Variants in RSU1 observed in about 807,000 individuals in gnomAD.
The protein encoded by RSU1 is rsu-1.
A neutral mutation model predicts 31.1 loss-of-function variants in RSU1; 26 were observed. The observed-to-expected ratio is 0.84, with a 90% CI of 0.61 to 1.16. RSU1 has a LOEUF of 1.16. Ranked by LOEUF, RSU1 falls within the 50% of genes most tolerant of loss-of-function variation. The pLI, the probability that RSU1 is intolerant of heterozygous loss-of-function variation, is 0.00. For synonymous variants in RSU1, 164 were observed against 136.3 expected (o/e 1.20, Z -1.41); for missense variants, 320 against 339.1 (o/e 0.94, Z 0.44).
intron 2 of RSU1, among the ~76,000 whole-genome samples, chr10:16,784,900 A>G (rs1254852697): frequency 2.6e-5 from 4 of 152,216 alleles, no homozygotes; most frequent in Non-Finnish European, 5.9e-5. Flanking sequence ...AAACCATATC[A>G]CATGGCCAGG....
At chr10:16,630,437 T>A (rs868399402) in intron 8 of RSU1, among the ~76,000 whole-genome samples, 8 of 152,340 alleles carry the variant, frequency 5.3e-5, no homozygotes, top group South Asian at 4.1e-4. Context: ...TGATCAAGGG[T>A]CTGTCGGCCT....
chr10:16,786,449 C>G (rs570269837), intron 2 of RSU1, among the ~76,000 whole-genome samples: 5 of 152,164 alleles, frequency 3.3e-5, no homozygotes, highest in African/African-American at 1.2e-4. Flanking sequence ...CTGCCACAGT[C>G]CTGGAATCAG....
chr10:16,727,995 T>G (rs935807701), intron 7 of RSU1, among the ~76,000 whole-genome samples: 3 of 152,178 alleles, frequency 2.0e-5, no homozygotes, highest in Non-Finnish European at 2.9e-5. Flanking sequence ...ATCTGGCATC[T>G]CGGAGAGAGA....
Position 16,633,783 on chromosome 10 carries a change from A to G in RSU1, c.732-40287T>C, listed in dbSNP as rs1362585674. ...ACTTTTCAATGCTCACACTCCTCAG[A>G]GTCCCTTCCAAAAAGGCAGTGACAA... On this transcript the variant is annotated intron_variant, in intron 8 of 8. Transcript: ENST00000345264. 2.0e-5 allele frequency among the ~76,000 whole-genome samples: 3 copies of G among 152,136 alleles called. No homozygotes were observed. In the East Asian group the frequency reaches 5.8e-4, roughly 29 times the overall value.
intron 7 of RSU1, among the ~76,000 whole-genome samples, chr10:16,750,069 T>TA (rs1836943815): frequency 6.6e-6 from 1 of 152,198 alleles, no homozygotes; most frequent in African/African-American, 2.4e-5. Context: ...TTATAATTCT[T>TA]ACGATAATTA....
At chr10:16,721,615 T>C (rs1186450386) in intron 7 of RSU1, 1 of 152,220 alleles carries the variant, frequency 6.6e-6, no homozygotes, top group African/African-American at 2.4e-5. Context: ...CTTCACAAAT[T>C]AGACTAGATC....
chr10:16,796,068 G>A (rs1348174288), intron 2 of RSU1, among the ~76,000 whole-genome samples: 1 of 152,180 alleles, frequency 6.6e-6, no homozygotes, highest in Non-Finnish European at 1.5e-5. Context: ...AAAGCCACAT[G>A]ACTCTTGGAG....
intron 7 of RSU1, among the ~76,000 whole-genome samples, chr10:16,711,679 A>T (rs1473615356): frequency 6.6e-6 from 1 of 152,136 alleles, no homozygotes; most frequent in Non-Finnish European, 1.5e-5. Flanking sequence ...TTTAATTTCC[A>T]CGTATTTCAA....
chr10:16,600,435 G>A (rs532346423), intron 8 of RSU1, among the ~76,000 whole-genome samples: 19 of 152,216 alleles, frequency 1.2e-4, no homozygotes, highest in East Asian at 3.9e-4. Context: ...GACCACTACC[G>A]CCTGGACAGC....
chr10:16,682,574 G>GCACACACACACACACACACA lies in RSU1; in HGVS notation c.731+12448_731+12449insTGTGTGTGTGTGTGTGTGTG, dbSNP rs71200966. 1.1e-3 allele frequency among the ~76,000 whole-genome samples: 154 copies of GCACACACACACACACACACA among 138,276 alleles called. 8 individuals carry two copies. The highest frequency in any genetic ancestry group is 3.9e-3 in the African/African-American group (141 of 35,970). 90.7% of individuals were successfully genotyped at this position (138,276 alleles called of 152,430 possible). ...CACACACACACACACACACACACAT[G>GCACACACACACACACACACA]CATGCATGTTACCTAGGGTGGACAT... On this transcript the variant is annotated intron_variant, in intron 8 of 8. Transcript: ENST00000345264.
At chr10:16,765,041 G>A (rs367711891) in intron 3 of RSU1, among the ~76,000 whole-genome samples, 8 of 152,130 alleles carry the variant, frequency 5.3e-5, no homozygotes, top group African/African-American at 1.9e-4. Context: ...ACCACAAACA[G>A]TCTATAAAAA....
intron 8 of RSU1, among the ~76,000 whole-genome samples, chr10:16,612,462 G>A (rs756585972): frequency 3.9e-5 from 6 of 152,148 alleles, no homozygotes; most frequent in Admixed American, 6.5e-5. Context: ...GTCCTGAACA[G>A]GCAGCTCCCA....
chr10:16,799,751 G>A (rs1042078432), intron 2 of RSU1, among the ~76,000 whole-genome samples: 2 of 152,140 alleles, frequency 1.3e-5, no homozygotes, highest in Admixed American at 1.3e-4. Context: ...GGCTACCTGG[G>A]ATTTACCAGA....
At chr10:16,658,238 A>G (rs1834826561) in intron 8 of RSU1, among the ~76,000 whole-genome samples, 1 of 152,240 alleles carries the variant, frequency 6.6e-6, no homozygotes, top group Admixed American at 6.5e-5. Flanking sequence ...AGCAGAATAT[A>G]TCTAAGAGGG....
intron 7 of RSU1, among the ~76,000 whole-genome samples, chr10:16,700,092 T>G (rs1250327128): frequency 1.3e-5 from 2 of 152,122 alleles, no homozygotes; most frequent in Admixed American, 6.6e-5. Flanking sequence ...ATTGGTTGTT[T>G]CCATAATCAC....
chr10:16,730,070 G>A (rs557499689), intron 7 of RSU1, among the ~76,000 whole-genome samples: 5 of 152,318 alleles, frequency 3.3e-5, no homozygotes, highest in African/African-American at 1.2e-4. Flanking sequence ...GCTCAAGGCA[G>A]AAGGGGAAGG....
chr10:16,721,735 G>A (rs1256172543), intron 7 of RSU1: 3 of 152,122 alleles, frequency 2.0e-5, no homozygotes, highest in African/African-American at 4.8e-5. Context: ...ATGGAAAATC[G>A]ACGCCCTGGT....
intron 7 of RSU1, chr10:16,721,781 C>T (rs1360332799): frequency 6.6e-6 from 1 of 152,108 alleles, no homozygotes; most frequent in Non-Finnish European, 1.5e-5. Flanking sequence ...CCATTAGAAT[C>T]CCAGATGTAC....
intron 2 of RSU1, among the ~76,000 whole-genome samples, chr10:16,784,208 A>T (rs1588533211): frequency 6.6e-6 from 1 of 151,844 alleles, no homozygotes; most frequent in African/African-American, 2.4e-5. Context: ...CAGACTCCCA[A>T]GCAACTGAGA....
Sources: gnomAD v4.1 joint callset for allele counts (sites outside exome capture counted in the v4.1 genomes callset) on GRCh38, gnomAD v4.1.1 for gene constraint, MANE v1.5 for transcripts, NCBI Gene and HGNC (gene_info 2026-07-23, HGNC 2026-07-21) for gene names.